Variants in GLI3 observed in about 807,000 individuals in gnomAD.
The protein encoded by GLI3 is GLI family zinc finger 3.
GLI3 carries 20 observed loss-of-function variants against 100.8 expected under a neutral mutation model. The observed-to-expected ratio is 0.20, with a 90% CI of 0.14 to 0.29. GLI3 has a LOEUF of 0.29. Among genes scored for constraint, GLI3 ranks in the 10% least tolerant of loss-of-function variants. GLI3 has a pLI of 1.00. For missense variants in GLI3, 2,040 were observed against 2,128.5 expected (o/e 0.96, Z 0.82); for synonymous variants, 938 against 860.5 (o/e 1.09, Z -1.58).
At position 42,195,074 on chromosome 7, in the gene GLI3, C is replaced by G. The variant is rs190468022; in HGVS notation, c.124+28056G>C. On this transcript the variant is annotated intron_variant, in intron 2 of 14. Coordinates refer to ENST00000395925, the MANE Select transcript of GLI3 (RefSeq NM_000168.6). Reference sequence around the variant, plus strand: ...GAGCCACTGTGCCTGGCCTCTAATGCGTCAACTTATCTCACCCCCACTGCC... The same window carrying G: ...GAGCCACTGTGCCTGGCCTCTAATGGGTCAACTTATCTCACCCCCACTGCC... Among the ~76,000 whole-genome samples, 29 of 152,062 alleles carry G rather than the reference C, an allele frequency of 1.9e-4. 2 individuals carry two copies. The East Asian group carries it at 3.7e-3, about 19-fold the overall frequency.
At chr7:42,051,300 C>T (rs1784347064) in intron 4 of GLI3, among the ~76,000 whole-genome samples, 1 of 152,164 alleles carries the variant, frequency 6.6e-6, no homozygotes, top group African/African-American at 2.4e-5. Flanking sequence ...TGGACCTCAG[C>T]CTTGATACTC....
At position 41,965,368 on chromosome 7, in the gene GLI3, G is replaced by C. The variant is rs138618219; in HGVS notation, c.3705C>G (p.Pro1235=). 6.2e-7 allele frequency: 1 copy of C among 1,613,002 alleles called. No individual in the cohort carries two copies. Residue 1235 remains proline (P), a synonymous_variant, in exon 15 of 15, where the codon CCC becomes CCG. Transcript: ENST00000395925. ...GPEHLMLHNS[P]GSGTSGNAFH... ...AGGCGTTTCCACTGGTGCCACTTCCGGGGCTGTTGTGGAGCATCAAGTGCT... is the reference window on the plus strand; with the variant it reads ...AGGCGTTTCCACTGGTGCCACTTCCCGGGCTGTTGTGGAGCATCAAGTGCT...
intron 3 of GLI3, among the ~76,000 whole-genome samples, chr7:42,077,242 CAAGTT>C (rs1171242255): frequency 3.3e-5 from 5 of 152,236 alleles, no homozygotes; most frequent in East Asian, 1.9e-4. Context: ...ACTACATTGT[CAAGTT>C]AAGTTTTAGA....
rs188382135 is a variant in GLI3, at chr7:42,001,517, A to T, written c.1497+21951T>A. 7.1e-4 allele frequency among the ~76,000 whole-genome samples: 108 copies of T among 152,296 alleles called. 2 individuals are homozygous for T. The highest frequency in any genetic ancestry group is 2.4e-3 in the African/African-American group (99 of 41,570). On this transcript the variant is annotated intron_variant, in intron 10 of 14. Coordinates refer to ENST00000395925, the MANE Select transcript of GLI3 (RefSeq NM_000168.6). The stretch of plus-strand genomic sequence containing the variant: ...CCTGATACTTGTCGACATCCTGCAG[A>T]ACTAGTGTGCTGCAATCCATTTTAG...
At chr7:42,049,575 T>A (rs1026540202) in intron 4 of GLI3, among the ~76,000 whole-genome samples, 1 of 152,186 alleles carries the variant, frequency 6.6e-6, no homozygotes, top group Admixed American at 6.5e-5. Context: ...GGCTTTTGGT[T>A]AATAAAAATA....
At chr7:42,050,058 T>C (rs542057245) in intron 4 of GLI3, among the ~76,000 whole-genome samples, 1 of 152,100 alleles carries the variant, frequency 6.6e-6, no homozygotes, top group Non-Finnish European at 1.5e-5. Context: ...GACACTGAAA[T>C]AAATGAAATC....
At chr7:42,093,045 C>G (rs1785260465) in intron 3 of GLI3, among the ~76,000 whole-genome samples, 1 of 151,970 alleles carries the variant, frequency 6.6e-6, no homozygotes, top group South Asian at 2.1e-4. Context: ...AACTTCTGAC[C>G]TCAGGTGATC....
intron 3 of GLI3, among the ~76,000 whole-genome samples, chr7:42,086,514 TC>T: frequency 6.6e-6 from 1 of 151,970 alleles, no homozygotes. Flanking sequence ...CAGCCCAAGC[TC>T]TTCACCATGA....
chr7:42,154,372 C>T (rs1431512342), intron 2 of GLI3, among the ~76,000 whole-genome samples: 3 of 152,184 alleles, frequency 2.0e-5, no homozygotes, highest in Non-Finnish European at 4.4e-5. Context: ...GTGTTCCAGG[C>T]ATTTTTAATG....
intron 10 of GLI3, among the ~76,000 whole-genome samples, chr7:42,007,282 G>A (rs1235176644): frequency 3.4e-5 from 5 of 149,022 alleles, no homozygotes; most frequent in East Asian, 2.0e-4. Flanking sequence ...ATATTGCTAC[G>A]CAACAGACAG....
intron 2 of GLI3, 24 bp from the exon 3 acceptor site, chr7:42,148,492 G>A: frequency 5.6e-6 from 9 of 1,607,570 alleles, no homozygotes; most frequent in Non-Finnish European, 7.7e-6. Flanking sequence ...AAAAATGAAA[G>A]ACTCTGTAAA....
rs111954147 is a variant in GLI3 at position 42,039,315 on chromosome 7, C to A, written c.1028+723G>T. Among the ~76,000 whole-genome samples the A allele has an allele frequency of 6.1e-4, 93 of 152,282 alleles. 1 individual carries two copies. The highest frequency in any genetic ancestry group is 2.1e-3 in the African/African-American group (86 of 41,546). ...GCAGTAAGAAATATTTTATGTTAAT[C>A]ATGTTTACAAAAGTCTGTGCTTGTA... is the stretch of plus-strand genomic sequence containing the variant. On this transcript the variant is annotated intron_variant, in intron 7 of 14. Transcript: ENST00000395925.
chr7:42,198,382 G>A (rs1787972329), intron 2 of GLI3, among the ~76,000 whole-genome samples: 1 of 152,144 alleles, frequency 6.6e-6, no homozygotes, highest in African/African-American at 2.4e-5. Flanking sequence ...AGAGTGAGAA[G>A]GATCCAGGAG....
intron 3 of GLI3, among the ~76,000 whole-genome samples, chr7:42,120,366 T>G (rs1467969368): frequency 6.6e-6 from 1 of 152,200 alleles, no homozygotes; most frequent in African/African-American, 2.4e-5. Context: ...AATACGTTTC[T>G]GAATTATTCC....
At chr7:41,993,895 C>T (rs1788055573) in intron 10 of GLI3, among the ~76,000 whole-genome samples, 1 of 152,160 alleles carries the variant, frequency 6.6e-6, no homozygotes, top group Non-Finnish European at 1.5e-5. Context: ...CAAGGAGGGC[C>T]TCCTTTCAGA....
intron 2 of GLI3, among the ~76,000 whole-genome samples, chr7:42,173,733 T>C (rs749816725): frequency 6.6e-6 from 1 of 152,182 alleles, no homozygotes; most frequent in Non-Finnish European, 1.5e-5. Flanking sequence ...GCACAGCCAC[T>C]GGCTCTCAGG....
intron 7 of GLI3, among the ~76,000 whole-genome samples, chr7:42,034,062 A>G (rs1441239253): frequency 3.3e-5 from 5 of 152,228 alleles, no homozygotes; most frequent in Non-Finnish European, 5.9e-5. Context: ...TATGACCTCA[A>G]TGAACGTGAA....
At chr7:42,028,846 A>G (rs923986731) in intron 7 of GLI3, among the ~76,000 whole-genome samples, 7 of 152,042 alleles carry the variant, frequency 4.6e-5, no homozygotes, top group South Asian at 2.1e-4. Context: ...CTTACAAAAG[A>G]TAAGACTCAG....
intron 5 of GLI3, 142 bp from the exon 6 acceptor site, chr7:42,045,672 A>G: frequency 1.4e-6 from 1 of 733,030 alleles, no homozygotes; most frequent in Non-Finnish European, 2.4e-6. Context: ...TTTAACTCAA[A>G]TTGTGCTCTT....
Sources: allele counts gnomAD v4.1 joint callset (sites outside exome capture counted in the v4.1 genomes callset), GRCh38; gene constraint gnomAD v4.1.1; transcripts MANE v1.5; gene names NCBI Gene and HGNC (gene_info 2026-07-23, HGNC 2026-07-21).